SSR3: variants seen among roughly 807,000 people sequenced by gnomAD.
SSR3 encodes signal sequence receptor subunit 3.
Under a neutral mutation model 22.1 loss-of-function variants are expected in SSR3, and 10 were observed. That is an observed-to-expected ratio of 0.45 (90% CI 0.28 to 0.77). SSR3 has a LOEUF of 0.77. Among genes scored for constraint, SSR3 ranks in the 30% least tolerant of loss-of-function variants. The pLI is 0.13. For synonymous variants in SSR3, 104 were observed against 82.5 expected, an observed-to-expected ratio of 1.26 and a Z score of -1.42; for missense variants, 181 against 220.5, an observed-to-expected ratio of 0.82 and a Z score of 1.13.
chr3:156,546,852 C>T (rs1291707647), intron 3 of SSR3, among the ~76,000 whole-genome samples: 1 of 152,204 alleles, frequency 6.6e-6, no homozygotes, highest in Non-Finnish European at 1.5e-5. Context: ...TGCTTATTTC[C>T]ATCCTTGGAT....
Position 156,543,265 on chromosome 3 carries a change from A to G in SSR3, c.496T>C (p.Tyr166His). Residue 166 changes from tyrosine (Y) to histidine (H), a missense_variant, in exon 5 of 5, where the codon TAC becomes CAC. Tyr to His is a moderately conservative substitution (Grantham distance 83). Coordinates refer to ENST00000265044, the MANE Select transcript of SSR3 (RefSeq NM_007107.5). ...GATGAAGCACTTATGGACAATATGT[A>G]GTTCCTGTAAGAAATTTAATGTTAT... Reference protein sequence around the residue: ...ILKNFNPTVNYILSISASSGL... With the variant: ...ILKNFNPTVNHILSISASSGL... 1 of 1,613,110 alleles carries G rather than the reference A, an allele frequency of 6.2e-7. No individual in the cohort carries two copies. The highest frequency in any genetic ancestry group is 8.5e-7 in the Non-Finnish European group (1 of 1,179,402).
intron 3 of SSR3, among the ~76,000 whole-genome samples, chr3:156,546,259 C>T (rs1262075138): frequency 1.3e-5 from 2 of 152,230 alleles, no homozygotes; most frequent in African/African-American, 2.4e-5. Context: ...TGTGCTCACT[C>T]ACTCTCCTGC....
In SSR3 at chr3:156,553,775, T is replaced by A. The variant is rs775756940; in HGVS notation, c.140A>T (p.Tyr47Phe). 1.9e-6 allele frequency: 3 copies of A among 1,599,292 alleles called. No homozygotes were observed. The Admixed American group carries it at 5.3e-5, about 28-fold the overall frequency. Residue 47 changes from tyrosine to phenylalanine, a missense_variant, in exon 2 of 5, where the codon TAC becomes TTC. Coordinates refer to ENST00000265044, the MANE Select transcript of SSR3 (RefSeq NM_007107.5). ...AAGATCCATATGCCATATTCGCCAG[T>A]ATAACCCTGAATTAAAATAAAAGGG... ...FIVSAIPIWL[Y>F]WRIWHMDLIQ...
intron 1 of SSR3, chr3:156,554,103 C>A (rs571522278): frequency 1.4e-4 from 26 of 192,342 alleles, no homozygotes; most frequent in Non-Finnish European, 2.2e-4. Context: ...TACTAGCATG[C>A]GAAACACAGG....
intron 2 of SSR3, among the ~76,000 whole-genome samples, chr3:156,552,331 T>G (rs1239922711): frequency 6.8e-6 from 1 of 147,150 alleles, no homozygotes; most frequent in Non-Finnish European, 1.5e-5. Flanking sequence ...CCATGATGAG[T>G]TGTTATGAGA....
At chr3:156,549,674 T>A (rs1719881339) in intron 2 of SSR3, among the ~76,000 whole-genome samples, 1 of 152,248 alleles carries the variant, frequency 6.6e-6, no homozygotes, top group Non-Finnish European at 1.5e-5. Context: ...AGAACTGAGT[T>A]AGAATTGACA....
intron 3 of SSR3, 146 bp downstream of exon 3, chr3:156,548,759 C>A: frequency 1.1e-6 from 1 of 922,648 alleles, no homozygotes; most frequent in Non-Finnish European, 1.6e-6. Context: ...TAAAAGTCAG[C>A]TATTACTATT....
At chr3:156,549,668 C>G (rs1357501488) in intron 2 of SSR3, among the ~76,000 whole-genome samples, 2 of 152,098 alleles carry the variant, frequency 1.3e-5, no homozygotes, top group African/African-American at 2.4e-5. Context: ...CACTCAAGAA[C>G]TGAGTTAGAA....
chr3:156,554,844 TTGCCGACCCCC>T, intron 1 of SSR3, 102 bp downstream of exon 1: 1 of 1,391,962 alleles, frequency 7.2e-7, no homozygotes, highest in Non-Finnish European at 9.7e-7. Flanking sequence ...GCTGGAGAGA[TTGCCGACCCCC>T]GGCCGGCACC....
intron 2 of SSR3, among the ~76,000 whole-genome samples, chr3:156,553,082 C>T (rs1720021937): frequency 6.7e-6 from 1 of 150,222 alleles, no homozygotes; most frequent in Non-Finnish European, 1.5e-5. Flanking sequence ...CCAGCCTGGT[C>T]AACATGGCCT....
chr3:156,551,137 A>G (rs1158726575), intron 2 of SSR3, among the ~76,000 whole-genome samples: 1 of 152,080 alleles, frequency 6.6e-6, no homozygotes, highest in East Asian at 1.9e-4. Context: ...CAAAACTATG[A>G]CTTAAAAAAA....
rs2108443796 is a variant in SSR3 at position 156,541,331 on chromosome 3, C to T, written c.*1872G>A. The T allele has an allele frequency of 6.6e-6, 1 of 152,178 alleles. No homozygotes were observed. Among genetic ancestry groups the T allele is most frequent in the Admixed American group, 6.5e-5 (1 of 15,288 alleles). The allele number at this position is 152,178 out of a possible 1,614,324, so 9.4% of individuals were successfully genotyped here. Reference sequence around the variant, plus strand: ...TGATGGTTTGTCAAATAAGCAAATGCATTTATTTGATACACAAATTCCATG... The same window carrying T: ...TGATGGTTTGTCAAATAAGCAAATGTATTTATTTGATACACAAATTCCATG... On this transcript the variant is annotated 3_prime_UTR_variant, in exon 5 of 5. Transcript: ENST00000265044.
rs573942401 is a variant in SSR3, at chr3:156,551,338, A to G, written c.260+2317T>C. 6 of 152,338 alleles carry G rather than the reference A, an allele frequency of 3.9e-5. No homozygotes were observed. The South Asian group carries it at 1.2e-3, about 32-fold the overall frequency. The allele number at this position is 152,338 out of a possible 1,614,324, so 9.4% of individuals were successfully genotyped here. A position where few individuals can be genotyped will look rare whatever the true frequency, so the allele number is the denominator to read the frequency against. ...ATGAAAAATGTTATGAAGAATAAGTAAAGAATGACGAGTCTCAAAGGGACT... is the reference window on the plus strand; with the variant it reads ...ATGAAAAATGTTATGAAGAATAAGTGAAGAATGACGAGTCTCAAAGGGACT... On this transcript the variant is annotated intron_variant, in intron 2 of 4. Transcript: ENST00000265044.
At chr3:156,543,551 C>T (rs1043115364) in intron 4 of SSR3, among the ~76,000 whole-genome samples, 1 of 152,170 alleles carries the variant, frequency 6.6e-6, no homozygotes, top group East Asian at 1.9e-4. Context: ...TTAACCTTCA[C>T]GAAGAGCTGA....
At chr3:156,551,892 G>A (rs1719972358) in intron 2 of SSR3, among the ~76,000 whole-genome samples, 1 of 152,156 alleles carries the variant, frequency 6.6e-6, no homozygotes, top group Admixed American at 6.5e-5. Context: ...TGATGTGAGG[G>A]CTGAGTCAGA....
At chr3:156,548,583 C>A (rs1719842191) in intron 3 of SSR3, among the ~76,000 whole-genome samples, 1 of 152,170 alleles carries the variant, frequency 6.6e-6, no homozygotes, top group Non-Finnish European at 1.5e-5. Context: ...ATGGATCTAC[C>A]ATGTACTAAT....
At chr3:156,543,416 C>A in intron 4 of SSR3, 147 bp from the exon 5 acceptor site, 2 of 539,942 alleles carry the variant, frequency 3.7e-6, no homozygotes, top group Non-Finnish European at 6.5e-6. Context: ...TCTGCAAACA[C>A]AATTTGCAAG....
Position 156,544,449 on chromosome 3 carries a change from C to T in SSR3, c.360-10G>A, listed in dbSNP as rs766900584. On this transcript the variant is annotated splice_polypyrimidine_tract_variant and intron_variant, in intron 3 of 4. Coordinates refer to ENST00000265044, the MANE Select transcript of SSR3 (RefSeq NM_007107.5). ...CTTCTTCCACAAGATTCTACAGACA[C>T]AGAAACAAGTCAAACAAGCTTATAA... 6.5e-7 allele frequency: 1 copy of T among 1,537,354 alleles called. No individual in the cohort carries two copies. The highest frequency in any genetic ancestry group is 2.0e-5 in the Admixed American group (1 of 49,282).
At position 156,545,703 on chromosome 3, in the gene SSR3, C is replaced by G. The variant is rs1474310431; in HGVS notation, c.360-1264G>C. ...AGACACCATCGACTTAATAACTCTTCCATTTACTGTAAGTTTGGAGGAAGG... is the reference window on the plus strand; with the variant it reads ...AGACACCATCGACTTAATAACTCTTGCATTTACTGTAAGTTTGGAGGAAGG... On this transcript the variant is annotated intron_variant, in intron 3 of 4. Transcript: ENST00000265044. Among the ~76,000 whole-genome samples, 9 of 152,038 alleles carry G rather than the reference C, an allele frequency of 5.9e-5. No individual in the cohort carries two copies. In the East Asian group the frequency reaches 1.7e-3, roughly 29 times the overall value.
Sources: gnomAD v4.1 joint callset for allele counts (sites outside exome capture counted in the v4.1 genomes callset) on GRCh38, gnomAD v4.1.1 for gene constraint, MANE v1.5 for transcripts, NCBI Gene and HGNC (gene_info 2026-07-23, HGNC 2026-07-21) for gene names.